The following RAB2A variants were observed in gnomAD, a reference collection of about 807,000 sequenced individuals.
RAB2A encodes the protein ras-related protein Rab-2A.
A neutral mutation model predicts 32.5 loss-of-function variants in RAB2A; 7 were observed. That is an observed-to-expected ratio of 0.22 (90% CI 0.12 to 0.40). The LOEUF (loss-of-function observed/expected upper bound fraction) is 0.40, where lower values mean the gene tolerates loss of function less well. RAB2A is among the 10% of genes least tolerant of loss of function. RAB2A has a pLI of 1.00. For missense variants in RAB2A, 108 were observed against 260.7 expected, an observed-to-expected ratio of 0.41 and a Z score of 4.03; for synonymous variants, 79 against 85.2, an observed-to-expected ratio of 0.93 and a Z score of 0.40.
chr8:60,580,012 T>A (rs1240909281), intron 3 of RAB2A, among the ~76,000 whole-genome samples: 1 of 151,386 alleles, frequency 6.6e-6, no homozygotes, highest in Non-Finnish European at 1.5e-5. Context: ...TTTTTTTTTT[T>A]TTTTGAGACA....
chr8:60,581,371 C>T (rs1803747172), intron 3 of RAB2A, among the ~76,000 whole-genome samples: 1 of 152,194 alleles, frequency 6.6e-6, no homozygotes, highest in Non-Finnish European at 1.5e-5. Flanking sequence ...GTAGTGTATA[C>T]AGTGAAGATA....
intron 3 of RAB2A, among the ~76,000 whole-genome samples, chr8:60,578,654 T>G (rs1209590983): frequency 2.6e-5 from 4 of 152,138 alleles, no homozygotes; most frequent in Non-Finnish European, 5.9e-5. Context: ...TATTTAGAGA[T>G]TTTTGAACTA....
chr8:60,525,755 C>T (rs1280351018), intron 1 of RAB2A, among the ~76,000 whole-genome samples: 3 of 151,800 alleles, frequency 2.0e-5, no homozygotes, highest in African/African-American at 7.3e-5. Flanking sequence ...AAGGATGGTG[C>T]CTGGTACAGA....
At chr8:60,574,224 AT>A (rs1355860143) in intron 3 of RAB2A, among the ~76,000 whole-genome samples, 1 of 152,092 alleles carries the variant, frequency 6.6e-6, no homozygotes, top group Non-Finnish European at 1.5e-5. Flanking sequence ...TTCCTGTAAT[AT>A]TTTGTGCATA....
intron 2 of RAB2A, among the ~76,000 whole-genome samples, chr8:60,563,113 C>T (rs1459235000): frequency 6.6e-6 from 1 of 152,060 alleles, no homozygotes; most frequent in African/African-American, 2.4e-5. Flanking sequence ...CTGCTGCATA[C>T]TTGCTTTTGC....
intron 6 of RAB2A, among the ~76,000 whole-genome samples, chr8:60,596,936 G>T (rs1804040242): frequency 6.6e-6 from 1 of 151,848 alleles, no homozygotes; most frequent in Non-Finnish European, 1.5e-5. Flanking sequence ...AAATAAAAGT[G>T]AGGAAACAAC....
At chr8:60,606,882 C>T (rs1182353146) in intron 6 of RAB2A, among the ~76,000 whole-genome samples, 2 of 152,230 alleles carry the variant, frequency 1.3e-5, no homozygotes, top group Non-Finnish European at 2.9e-5. Context: ...TTAGGGCCTC[C>T]AGGCCTGTGA....
chr8:60,537,113 G>C (rs1807569134), intron 1 of RAB2A, among the ~76,000 whole-genome samples: 1 of 152,176 alleles, frequency 6.6e-6, no homozygotes, highest in South Asian at 2.1e-4. Flanking sequence ...ATAAGCCACA[G>C]TATAAGGTAT....
intron 2 of RAB2A, among the ~76,000 whole-genome samples, chr8:60,560,406 C>A (rs1167823874): frequency 3.3e-5 from 5 of 152,160 alleles, no homozygotes; most frequent in African/African-American, 1.2e-4. Flanking sequence ...GAGCTCTCTT[C>A]GCTGCCCTCT....
chr8:60,597,765 T>A (rs530646027), intron 6 of RAB2A, among the ~76,000 whole-genome samples: 3 of 152,316 alleles, frequency 2.0e-5, no homozygotes, highest in East Asian at 1.9e-4. Flanking sequence ...CTGGATTTTT[T>A]AAAAACTTCA....
rs1267908534 is a variant in RAB2A at position 60,558,930 on chromosome 8, T to G, written c.118+7T>G. 1.2e-6 allele frequency: 2 copies of G among 1,602,350 alleles called. No individual in the cohort carries two copies. Among genetic ancestry groups the G allele is most frequent in the African/African-American group, 2.7e-5 (2 of 74,714 alleles). ...GTGCATGACCTTACTATTGGTAAGT[T>G]TTATAAAAGGGATGAGAAGCACTAA... On this transcript the variant is annotated splice_region_variant and intron_variant, in intron 2 of 7. Transcript: ENST00000262646.
At chr8:60,551,591 CTCTG>C (rs1807848412) in intron 1 of RAB2A, among the ~76,000 whole-genome samples, 2 of 152,226 alleles carry the variant, frequency 1.3e-5, no homozygotes, top group Non-Finnish European at 1.5e-5. Context: ...TACAGATGGT[CTCTG>C]TCTTTTGATG....
chr8:60,618,630 C>T lies in RAB2A; in HGVS notation c.525C>T (p.Val175=), dbSNP rs1223291074. The T allele has an allele frequency of 8.4e-7, 1 of 1,183,814 alleles. No individual in the cohort carries two copies. The highest frequency in any genetic ancestry group is 1.1e-6 in the Non-Finnish European group (1 of 882,286). 73.3% of individuals were successfully genotyped at this position (1,183,814 alleles called of 1,614,324 possible). A position where few individuals can be genotyped will look rare whatever the true frequency, so the allele number is the denominator to read the frequency against. The change falls in exon 7 of 8, where the codon GTC becomes GTT. Residue 175 remains valine (V), a synonymous_variant. Transcript: ENST00000262646. The part of the protein sequence containing the change: ...KEIYEKIQEG[V]FDINNEANGI... ...TTTATGAAAAAATTCAAGAAGGAGT[C>T]TTTGACATTAATAATGAGGTATATA...
intron 3 of RAB2A, among the ~76,000 whole-genome samples, chr8:60,572,525 G>A (rs568981486): frequency 2.8e-4 from 43 of 152,098 alleles, no homozygotes; most frequent in Non-Finnish European, 5.6e-4. Context: ...TCTTAATTCA[G>A]TATCCTAATT....
At chr8:60,594,307 CACAT>C (rs1803987922) in intron 6 of RAB2A, among the ~76,000 whole-genome samples, 1 of 152,064 alleles carries the variant, frequency 6.6e-6, no homozygotes, top group South Asian at 2.1e-4. Context: ...CAGACAAATC[CACAT>C]GATGACGAAC....
At chr8:60,591,802 T>A (rs2130853931) in intron 5 of RAB2A, 56 bp from the exon 6 acceptor site, 1 of 1,130,562 alleles carries the variant, frequency 8.8e-7, no homozygotes, top group Non-Finnish European at 1.3e-6. Flanking sequence ...TTTCCACAAA[T>A]GCTTCTGTTT....
intron 1 of RAB2A, among the ~76,000 whole-genome samples, chr8:60,531,688 C>T (rs973025769): frequency 1.3e-5 from 2 of 151,944 alleles, no homozygotes; most frequent in Admixed American, 1.3e-4. Flanking sequence ...TCTTTTCCAT[C>T]TCAGATGTCT....
intron 1 of RAB2A, among the ~76,000 whole-genome samples, chr8:60,539,044 C>G (rs1175045029): frequency 1.3e-5 from 2 of 151,278 alleles, no homozygotes; most frequent in South Asian, 4.2e-4. Context: ...GTTTTTTTTT[C>G]TTGAGATGTA....
chr8:60,593,030 A>T (rs1803967712), intron 6 of RAB2A, among the ~76,000 whole-genome samples: 1 of 152,222 alleles, frequency 6.6e-6, no homozygotes, highest in Non-Finnish European at 1.5e-5. Context: ...GTCAGTAAAT[A>T]TTTATTAAGA....
Sources: allele counts gnomAD v4.1 joint callset (sites outside exome capture counted in the v4.1 genomes callset), GRCh38; gene constraint gnomAD v4.1.1; transcripts MANE v1.5; gene names NCBI Gene and HGNC (gene_info 2026-07-23, HGNC 2026-07-21).